CENPP: variants seen among roughly 807,000 people sequenced by gnomAD.
CENPP encodes centromere protein P.
A neutral mutation model predicts 35.6 loss-of-function variants in CENPP; 24 were observed. The observed-to-expected ratio is 0.67, with a 90% confidence interval of 0.49 to 0.95. CENPP has a LOEUF of 0.95. Ranked by LOEUF, CENPP falls within the 40% of genes least tolerant of loss-of-function variation. CENPP has a pLI of 0.00. For synonymous variants in CENPP, 120 were observed against 125.5 expected (o/e 0.96, Z 0.29); for missense variants, 332 against 345.3 (o/e 0.96, Z 0.31).
intron 5 of CENPP, among the ~76,000 whole-genome samples, chr9:92,468,708 A>G (rs1588153992): frequency 6.6e-6 from 1 of 152,350 alleles, no homozygotes; most frequent in South Asian, 2.1e-4. Flanking sequence ...AGTATAAAGC[A>G]TGTACTTTAA....
intron 5 of CENPP, chr9:92,460,459 T>G (rs778773420): frequency 6.6e-7 from 1 of 1,509,906 alleles, no homozygotes. Flanking sequence ...AAGTTAAAAT[T>G]TTGGGAACGT....
chr9:92,393,853 G>T (rs938749382), intron 5 of CENPP, among the ~76,000 whole-genome samples: 6 of 152,016 alleles, frequency 3.9e-5, no homozygotes, highest in Non-Finnish European at 7.4e-5. Context: ...GTTGGCAGAG[G>T]TTTCTCATTT....
At position 92,593,375 on chromosome 9, in the gene CENPP, G is replaced by A. The variant is rs1051994379; in HGVS notation, c.565-17939G>A. On this transcript the variant is annotated intron_variant, in intron 5 of 7. Coordinates refer to ENST00000375587, the MANE Select transcript of CENPP (RefSeq NM_001012267.3). This position sits in a 1 kb window ranked among gnomAD's most constrained non-coding sequence, Gnocchi z 4.1. ...ATGAGTCAGCCCAAGCTTATGTTGT[G>A]CAGGCCACAGACAGGGTGAACCAGA... 6.6e-6 allele frequency among the ~76,000 whole-genome samples: 1 copy of A among 152,210 alleles called. No individual in the cohort carries two copies. The highest frequency in any genetic ancestry group is 6.5e-5 in the Admixed American group (1 of 15,282).
intron 5 of CENPP, among the ~76,000 whole-genome samples, chr9:92,540,527 C>T (rs966054155): frequency 6.6e-5 from 10 of 151,926 alleles, no homozygotes; most frequent in African/African-American, 2.2e-4. Context: ...AATCCCAGCA[C>T]TCTGGGAGGC....
At chr9:92,540,552 C>T (rs1186246977) in intron 5 of CENPP, among the ~76,000 whole-genome samples, 2 of 151,728 alleles carry the variant, frequency 1.3e-5, no homozygotes, top group Non-Finnish European at 2.9e-5. Context: ...GTGGGTGGAT[C>T]ACAAGGTTAG....
intron 5 of CENPP, chr9:92,457,373 G>T (rs751232189): frequency 1.9e-5 from 30 of 1,613,584 alleles, no homozygotes; most frequent in Non-Finnish European, 2.4e-5. Flanking sequence ...GTATTTCACC[G>T]GGTTGTTGAA....
chr9:92,549,076 A>C (rs1350003748), intron 5 of CENPP, among the ~76,000 whole-genome samples: 1 of 152,152 alleles, frequency 6.6e-6, no homozygotes, highest in African/African-American at 2.4e-5. Flanking sequence ...AAGACAGCAA[A>C]ATACTCATCA....
In CENPP at chr9:92,619,778, G is replaced by A; in HGVS notation, c.*6629G>A. 1 of 574,686 alleles carries A rather than the reference G, an allele frequency of 1.7e-6. No homozygotes were observed. The allele number at this position is 574,686 out of a possible 1,614,324, so 35.6% of individuals were successfully genotyped here. ...CTCAGTGCCACGGGGCTGCTCAGAGGCCAGCACCGCCCCCTGACCTCTCAC... is the reference window on the plus strand; with the variant it reads ...CTCAGTGCCACGGGGCTGCTCAGAGACCAGCACCGCCCCCTGACCTCTCAC... On this transcript the variant is annotated 3_prime_UTR_variant, in exon 8 of 8. Coordinates refer to ENST00000375587, the MANE Select transcript of CENPP (RefSeq NM_001012267.3).
intron 5 of CENPP, 85 bp downstream of exon 5, chr9:92,379,944 T>A: frequency 1.1e-6 from 1 of 872,240 alleles, no homozygotes; most frequent in Non-Finnish European, 1.9e-6. Flanking sequence ...ATCCTTTTCT[T>A]AAAAGCTTTC....
chr9:92,457,298 A>G lies in CENPP; in HGVS notation c.564+77439A>G, dbSNP rs1443662603. The stretch of plus-strand genomic sequence containing the variant: ...ACCAATTACTAATTATTACATTCCA[A>G]AGTTCCCAAGCTGAACGCTCATTCT... On this transcript the variant is annotated intron_variant, in intron 5 of 7. Transcript: ENST00000375587. 3 of 1,613,640 alleles carry G rather than the reference A, an allele frequency of 1.9e-6. No individual in the cohort carries two copies. In the African/African-American group the frequency reaches 4.0e-5, roughly 22 times the overall value.
chr9:92,399,320 A>T (rs978240940), intron 5 of CENPP, among the ~76,000 whole-genome samples: 2 of 152,096 alleles, frequency 1.3e-5, no homozygotes, highest in African/African-American at 2.4e-5. Flanking sequence ...TTGAACACTT[A>T]TTTGGGTTAA....
chr9:92,352,505 G>GTGTGTGTGTATATATATATA, intron 4 of CENPP, among the ~76,000 whole-genome samples: 15 of 49,754 alleles, frequency 3.0e-4, no homozygotes, highest in African/African-American at 9.0e-4. Flanking sequence ...GTGTGTGTGT[G>GTGTGTGTGTATATATATATA]TATACATATA....
intron 5 of CENPP, among the ~76,000 whole-genome samples, chr9:92,473,328 A>G (rs565611402): frequency 8.8e-4 from 134 of 152,322 alleles, no homozygotes; most frequent in Non-Finnish European, 1.7e-3. Context: ...CTTATTCACC[A>G]TCTTACCCAG....
intron 5 of CENPP, among the ~76,000 whole-genome samples, chr9:92,396,212 G>A (rs2130912763): frequency 6.6e-6 from 1 of 152,196 alleles, no homozygotes; most frequent in Admixed American, 6.5e-5. Flanking sequence ...TTGTTCTGGT[G>A]ACCCACTTTA....
chr9:92,488,874 CAT>C (rs1846118690), intron 5 of CENPP, among the ~76,000 whole-genome samples: 1 of 152,146 alleles, frequency 6.6e-6, no homozygotes, highest in Non-Finnish European at 1.5e-5. Context: ...AGTGTAATCA[CAT>C]GTTATTTTTA....
chr9:92,578,270 G>T (rs1373277295), intron 5 of CENPP, among the ~76,000 whole-genome samples: 2 of 152,098 alleles, frequency 1.3e-5, no homozygotes. Flanking sequence ...ACGTGTGCAT[G>T]TGTCTTTATA....
chr9:92,338,077 C>T (rs1840986499), intron 3 of CENPP, among the ~76,000 whole-genome samples: 1 of 152,108 alleles, frequency 6.6e-6, no homozygotes, highest in Non-Finnish European at 1.5e-5. Context: ...TTTGCGGGGC[C>T]AAGGCAGGAG....
chr9:92,492,341 A>C (rs1458884104), intron 5 of CENPP, among the ~76,000 whole-genome samples: 1 of 152,202 alleles, frequency 6.6e-6, no homozygotes, highest in Admixed American at 6.5e-5. Context: ...TTTATACTAC[A>C]TATTATTAAA....
intron 5 of CENPP, among the ~76,000 whole-genome samples, chr9:92,491,330 C>T (rs565949240): frequency 6.6e-6 from 1 of 152,152 alleles, no homozygotes; most frequent in South Asian, 2.1e-4. Flanking sequence ...GGCTGGGGGT[C>T]CTGAGGAGCT....
Sources: allele counts gnomAD v4.1 joint callset (sites outside exome capture counted in the v4.1 genomes callset), GRCh38; gene constraint gnomAD v4.1.1; non-coding constraint Gnocchi (gnomAD v3.1); transcripts MANE v1.5; gene names NCBI Gene and HGNC (gene_info 2026-07-23, HGNC 2026-07-21).